MMP9: variants seen among roughly 807,000 people sequenced by gnomAD.
MMP9 encodes the protein matrix metallopeptidase 9, also known as matrix metalloproteinase-9.
In MMP9, 73 loss-of-function variants were observed where a neutral mutation model predicts 76.4. That is an observed-to-expected ratio of 0.96 (90% CI 0.79 to 1.16). The LOEUF (loss-of-function observed/expected upper bound fraction) is 1.16. Ranked by LOEUF, MMP9 falls within the 50% of genes most tolerant of loss-of-function variation. The probability of loss-of-function intolerance (pLI) is 0.00; values close to 1 mark genes in which losing one functional copy is unlikely to be tolerated. For missense variants in MMP9, 943 were observed against 973.0 expected (o/e 0.97, Z 0.41); for synonymous variants, 412 against 408.4 (o/e 1.01, Z -0.11).
chr20:46,012,189 C>G lies in MMP9; in HGVS notation c.1050C>G (p.Pro350=), dbSNP rs772563074. The G allele has an allele frequency of 8.7e-6, 14 of 1,614,182 alleles. No homozygotes were observed. The highest frequency in any genetic ancestry group is 1.2e-5 in the Non-Finnish European group (14 of 1,180,040). The part of the protein sequence containing the change: ...GNSAGELCVF[P]FTFLGKEYST... ...CGGCGGGGGAGCTGTGCGTCTTCCC[C>G]TTCACTTTCCTGGGTAAGGAGTACT... Residue 350 remains proline (P), a synonymous_variant, in exon 7 of 13, where the codon CCC becomes CCG. Transcript: ENST00000372330.
In MMP9 at chr20:46,011,272, C is replaced by T; in HGVS notation, c.779C>T (p.Ala260Val). 6.2e-7 allele frequency: 1 copy of T among 1,610,608 alleles called. No individual in the cohort carries two copies. The highest frequency in any genetic ancestry group is 1.3e-5 in the African/African-American group (1 of 74,926). ...GGCTTGCCCTGGTGCAGTACCACGG[C>T]CAACTACGACACCGACGACCGGTTT... ...SDGLPWCSTT[A>V]NYDTDDRFGF... is the part of the protein sequence containing the mutation. The change falls in exon 5 of 13, where the codon GCC becomes GTC. Residue 260 changes from alanine to valine, a missense_variant. Coordinates refer to ENST00000372330, the MANE Select transcript of MMP9 (RefSeq NM_004994.3).
In MMP9 at chr20:46,010,531, C is replaced by T. The variant is rs201691413; in HGVS notation, c.420C>T (p.Ala140=). 3.1e-6 allele frequency: 5 copies of T among 1,614,124 alleles called. No homozygotes were observed. The highest frequency in any genetic ancestry group is 4.2e-6 in the Non-Finnish European group (5 of 1,180,064). The change falls in exon 3 of 13, where the codon GCC becomes GCT. Residue 140 remains alanine, a synonymous_variant. Transcript: ENST00000372330. ...TGCCGCGGGCGGTGATTGACGACGC[C>T]TTTGCCCGCGCCTTCGCACTGTGGA... ...EDLPRAVIDD[A]FARAFALWSA...
rs2084276333 is a variant in MMP9 at position 46,011,172 on chromosome 20, G to A, written c.679G>A (p.Gly227Ser). The A allele has an allele frequency of 6.2e-7, 1 of 1,614,026 alleles. No individual in the cohort carries two copies. The highest frequency in any genetic ancestry group is 1.3e-5 in the African/African-American group (1 of 74,944). The stretch of plus-strand genomic sequence containing the variant: ...TCCAACTCGGTTTGGAAACGCAGAT[G>A]GCGCGGCCTGCCACTTCCCCTTCAT... ...VVPTRFGNAD[G>S]AACHFPFIFE... Residue 227 changes from glycine to serine, a missense_variant, in exon 5 of 13, where the codon GGC becomes AGC. Gly to Ser is a moderately conservative substitution (Grantham distance 56). Transcript: ENST00000372330.
At position 46,014,107 on chromosome 20, in the gene MMP9, AC is replaced by A. The variant is rs2084303531; in HGVS notation, c.1751-14del. 6.5e-7 allele frequency: 1 copy of A among 1,533,916 alleles called. No homozygotes were observed. The highest frequency in any genetic ancestry group is 1.2e-5 in the South Asian group (1 of 83,948). On this transcript the variant is annotated splice_polypyrimidine_tract_variant and intron_variant, in intron 10 of 12. Coordinates refer to ENST00000372330, the MANE Select transcript of MMP9 (RefSeq NM_004994.3). ...CCCTCTGCGCCCCCAAACCGACGTG[AC>A]CCTCCTCCCCTGCAGGGCGCCAGGT...
rs553302870 is a variant in MMP9 at position 46,014,031 on chromosome 20, T to C, written c.1751-93T>C. On this transcript the variant is annotated intron_variant, in intron 10 of 12. Transcript: ENST00000372330. ...TTGCAGGGACTGCGGGCACGCGGGC[T>C]AGGAAAGGCCTCGCCGGAATCTCCC... is the stretch of plus-strand genomic sequence containing the variant. 1.8e-5 allele frequency: 27 copies of C among 1,516,488 alleles called. No individual in the cohort carries two copies. In the South Asian group the frequency reaches 2.3e-4, roughly 13 times the overall value. 93.9% of individuals were successfully genotyped at this position (1,516,488 alleles called of 1,614,324 possible). A position where few individuals can be genotyped will look rare whatever the true frequency, so the allele number is the denominator to read the frequency against.
At chr20:46,015,766 A>G (rs530551290) in intron 12 of MMP9, among the ~76,000 whole-genome samples, 2 of 152,280 alleles carry the variant, frequency 1.3e-5, no homozygotes, top group East Asian at 3.9e-4. Context: ...CTATATTTTC[A>G]AAACCAATCT....
Position 46,013,733 on chromosome 20 carries a change from C to T in MMP9, c.1687C>T (p.Leu563=). 6.2e-7 allele frequency: 1 copy of T among 1,613,860 alleles called. No homozygotes were observed. The highest frequency in any genetic ancestry group is 8.5e-7 in the Non-Finnish European group (1 of 1,179,992). ...PFLIADKWPA[L]PRKLDSVFEE... ...CCTTATCGCCGACAAGTGGCCCGCG[C>T]TGCCCCGCAAGCTGGACTCGGTCTT... The change falls in exon 10 of 13, where the codon CTG becomes TTG. Residue 563 remains leucine (L), a synonymous_variant. Transcript: ENST00000372330. This position sits in a 1 kb window ranked among gnomAD's most constrained non-coding sequence, Gnocchi z 4.5.
chr20:46,010,225 G>C (rs1226561433), intron 2 of MMP9, 127 bp downstream of exon 2: 1 of 923,930 alleles, frequency 1.1e-6, no homozygotes, highest in Non-Finnish European at 1.6e-6. Context: ...GGCCCCTGGG[G>C]AGTGTCCCCA....
At position 46,013,420 on chromosome 20, in the gene MMP9, C is replaced by G; in HGVS notation, c.1496C>G (p.Ala499Gly). 1 of 1,613,950 alleles carries G rather than the reference C, an allele frequency of 6.2e-7. No homozygotes were observed. The highest frequency in any genetic ancestry group is 8.5e-7 in the Non-Finnish European group (1 of 1,179,900). The part of the protein sequence containing the change: ...PSAGPTGPPT[A>G]GPSTATTVPL... ...GCTGGCCCCACAGGTCCCCCCACTGCTGGCCCTTCTACGGCCACTACTGTG... is the reference window on the plus strand; with the variant it reads ...GCTGGCCCCACAGGTCCCCCCACTGGTGGCCCTTCTACGGCCACTACTGTG... The change falls in exon 9 of 13, where the codon GCT (alanine) becomes GGT (glycine). Residue 499 changes from alanine to glycine, a missense_variant. Coordinates refer to ENST00000372330, the MANE Select transcript of MMP9 (RefSeq NM_004994.3). The surrounding 1 kb of genome is among the most constrained non-coding windows in gnomAD (Gnocchi z 4.5).
intron 1 of MMP9, 112 bp from the exon 2 acceptor site, chr20:46,009,754 A>G (rs1427772953): frequency 8.4e-6 from 8 of 955,062 alleles, no homozygotes; most frequent in Non-Finnish European, 1.3e-5. Context: ...TCTCTCCGAA[A>G]AAGAAAAAGA....
chr20:46,015,762 T>A (rs1292368313), intron 12 of MMP9, among the ~76,000 whole-genome samples: 1 of 152,222 alleles, frequency 6.6e-6, no homozygotes, highest in Non-Finnish European at 1.5e-5. Context: ...CTTTCTATAT[T>A]TTCAAAACCA....
chr20:46,011,012 T>G lies in MMP9; in HGVS notation c.611T>G (p.Phe204Cys). The change falls in exon 4 of 13, where the codon TTC becomes TGC. Residue 204 changes from phenylalanine to cysteine, a missense_variant. Transcript: ENST00000372330. ...PGPGIQGDAH[F>C]DDDELWSLGK... The stretch of plus-strand genomic sequence containing the variant: ...CCCGGCATTCAGGGAGACGCCCATT[T>G]CGACGATGACGAGTTGTGGTCCCTG... 3 of 1,613,746 alleles carry G rather than the reference T, an allele frequency of 1.9e-6. No individual in the cohort carries two copies. Among genetic ancestry groups the G allele is most frequent in the Non-Finnish European group, 2.5e-6 (3 of 1,179,798 alleles).
At chr20:46,014,646 A>G in intron 12 of MMP9, 172 bp downstream of exon 12, 1 of 736,726 alleles carries the variant, frequency 1.4e-6, no homozygotes, top group East Asian at 2.7e-5. Flanking sequence ...GAAGTCAGGG[A>G]TGCAACCAAG....
intron 5 of MMP9, 70 bp downstream of exon 5, chr20:46,011,386 C>T: frequency 6.3e-7 from 1 of 1,582,978 alleles, no homozygotes; most frequent in East Asian, 2.2e-5. Context: ...CTAATTCCAG[C>T]TCTGCCACTA....
chr20:46,015,449 TTTTC>T lies in MMP9; in HGVS notation c.2006-797_2006-794del, dbSNP rs2084313523. ...TTTCTATATTTTCTTTTTTTTTCTTTTTTCTTTTTTTTTTTTTTTGAGATGGAGT... is the reference window on the plus strand; with the variant it reads ...TTTCTATATTTTCTTTTTTTTTCTTTTTTTTTTTTTTTTTTGAGATGGAGT... On this transcript the variant is annotated intron_variant, in intron 12 of 12. Coordinates refer to ENST00000372330, the MANE Select transcript of MMP9 (RefSeq NM_004994.3). Among the ~76,000 whole-genome samples, 9 of 136,372 alleles carry T rather than the reference TTTTC, an allele frequency of 6.6e-5. No individual in the cohort carries two copies. The South Asian group carries it at 2.3e-3, about 35-fold the overall frequency. 89.5% of individuals were successfully genotyped at this position (136,372 alleles called of 152,430 possible). A position where few individuals can be genotyped will look rare whatever the true frequency, so the allele number is the denominator to read the frequency against.
intron 2 of MMP9, 21 bp downstream of exon 2, chr20:46,010,119 CAG>C: frequency 6.6e-7 from 1 of 1,519,026 alleles, no homozygotes. Context: ...GCCGTGGGGG[CAG>C]CGGGGTGGGG....
Position 46,013,946 on chromosome 20 carries a change from G to A in MMP9, c.1750+150G>A. ...GTTTAGCAAACGTAGGGGCGGCTGA[G>A]TTTCTGCCCCCTCCTCTCCACGCCC... On this transcript the variant is annotated intron_variant, in intron 10 of 12. Coordinates refer to ENST00000372330, the MANE Select transcript of MMP9 (RefSeq NM_004994.3). This position sits in a 1 kb window ranked among gnomAD's most constrained non-coding sequence, Gnocchi z 4.5. 5.0e-6 allele frequency: 7 copies of A among 1,401,644 alleles called. No homozygotes were observed. Among genetic ancestry groups the A allele is most frequent in the South Asian group, 1.3e-5 (1 of 77,280 alleles). The allele number at this position is 1,401,644 out of a possible 1,614,324, so 86.8% of individuals were successfully genotyped here.
At chr20:46,015,787 T>C (rs775009937) in intron 12 of MMP9, among the ~76,000 whole-genome samples, 1 of 152,242 alleles carries the variant, frequency 6.6e-6, no homozygotes, top group Non-Finnish European at 1.5e-5. Context: ...CATTTATTTA[T>C]GTGTTTGCTT....
chr20:46,010,332 A>AAAAAAAAAAAC (rs1555856978), intron 2 of MMP9, 151 bp from the exon 3 acceptor site: 3 of 772,960 alleles, frequency 3.9e-6, no homozygotes, highest in Admixed American at 5.5e-5. Context: ...AAAAAAAAAA[A>AAAAAAAAAAAC]AAAAAAAAAC....
Sources: gnomAD v4.1 joint callset for allele counts (sites outside exome capture counted in the v4.1 genomes callset) on GRCh38, gnomAD v4.1.1 for gene constraint, Gnocchi (gnomAD v3.1) non-coding constraint, MANE v1.5 for transcripts, NCBI Gene and HGNC (gene_info 2026-07-23, HGNC 2026-07-21) for gene names.